The following PCDHA9 variants were observed in gnomAD, a reference collection of about 807,000 sequenced individuals.
The protein encoded by PCDHA9 is protocadherin alpha 9, also known as protocadherin alpha-9.
PCDHA9 carries 62 observed loss-of-function variants against 62.0 expected under a neutral mutation model. The ratio of observed to expected loss-of-function variants is 1.00; its 90% CI spans 0.81 to 1.23. The LOEUF (loss-of-function observed/expected upper bound fraction) is 1.23, where lower values mean the gene tolerates loss of function less well. PCDHA9 is among the 50% of genes most tolerant of loss of function. The pLI is 0.00. For synonymous variants in PCDHA9, 557 were observed against 567.6 expected, an observed-to-expected ratio of 0.98 and a Z score of 0.27; for missense variants, 1,205 against 1,249.8, an observed-to-expected ratio of 0.96 and a Z score of 0.54.
intron 1 of PCDHA9, among the ~76,000 whole-genome samples, chr5:140,947,108 T>G (rs1419361342): frequency 6.6e-6 from 1 of 151,486 alleles, no homozygotes; most frequent in East Asian, 1.9e-4. Context: ...AATAGGTACG[T>G]GTCAATTAAA....
intron 1 of PCDHA9, among the ~76,000 whole-genome samples, chr5:140,952,990 G>T (rs1218296143): frequency 6.6e-6 from 1 of 152,042 alleles, no homozygotes; most frequent in Non-Finnish European, 1.5e-5. Context: ...GATCTCATGA[G>T]AACTCTCTCA....
intron 1 of PCDHA9, chr5:140,877,774 G>T (rs782686661): frequency 1.2e-6 from 2 of 1,614,176 alleles, no homozygotes; most frequent in South Asian, 2.2e-5. Context: ...GCCCAAGACG[G>T]ACCTCATGGC....
rs1368766918 is a variant in PCDHA9 at position 141,010,867 on chromosome 5, A to G, written c.*930A>G. 4.6e-5 allele frequency: 7 copies of G among 153,798 alleles called. No homozygotes were observed. The highest frequency in any genetic ancestry group is 3.3e-4 in the Admixed American group (5 of 15,292). 9.5% of individuals were successfully genotyped at this position (153,798 alleles called of 1,614,324 possible). A position where few individuals can be genotyped will look rare whatever the true frequency, so the allele number is the denominator to read the frequency against. On this transcript the variant is annotated 3_prime_UTR_variant, in exon 4 of 4. Coordinates refer to ENST00000532602, the MANE Select transcript of PCDHA9 (RefSeq NM_031857.2). Reference sequence around the variant, plus strand: ...TTAAAAAAAGAGAAAGTCTATAGCTATAAATCTTTAAAGAGAAATATGAAT... The same window carrying G: ...TTAAAAAAAGAGAAAGTCTATAGCTGTAAATCTTTAAAGAGAAATATGAAT...
chr5:140,855,491 A>G (rs251361), intron 1 of PCDHA9, among the ~76,000 whole-genome samples: 72,952 of 149,084 alleles, frequency 0.49, 20,776 homozygotes, highest in South Asian at 0.61. Flanking sequence ...TTAGTGTCTA[A>G]ATAAACCTTA....
intron 1 of PCDHA9, among the ~76,000 whole-genome samples, chr5:140,974,059 G>A (rs1233997260): frequency 6.6e-6 from 1 of 152,180 alleles, no homozygotes; most frequent in Non-Finnish European, 1.5e-5. Context: ...AATATTTGGA[G>A]CAGTATAATC....
intron 3 of PCDHA9, among the ~76,000 whole-genome samples, chr5:141,004,826 G>A (rs2098183640): frequency 6.6e-6 from 1 of 152,112 alleles, no homozygotes; most frequent in East Asian, 1.9e-4. Flanking sequence ...GATTAACTTA[G>A]ATAGATCAAA....
At chr5:140,915,105 C>T (rs1554196760) in intron 1 of PCDHA9, among the ~76,000 whole-genome samples, 1 of 152,020 alleles carries the variant, frequency 6.6e-6, no homozygotes, top group East Asian at 1.9e-4. Flanking sequence ...ACCACCACAA[C>T]ACCCACCTAA....
chr5:140,940,413 A>G (rs2092607327), intron 1 of PCDHA9, among the ~76,000 whole-genome samples: 1 of 152,166 alleles, frequency 6.6e-6, no homozygotes, highest in East Asian at 1.9e-4. Context: ...TTTAAAAATT[A>G]TAATTATTAC....
At chr5:140,869,204 C>T in intron 1 of PCDHA9, 1 of 1,613,960 alleles carries the variant, frequency 6.2e-7, no homozygotes, top group Non-Finnish European at 8.5e-7. Context: ...CTCCACTACT[C>T]CGTCTCGGAG....
At chr5:140,966,730 C>T in intron 1 of PCDHA9, 1 of 1,405,456 alleles carries the variant, frequency 7.1e-7, no homozygotes, top group Non-Finnish European at 9.2e-7. Context: ...CTGCCGCCTC[C>T]GGCCCTGCCC....
chr5:140,927,506 C>G (rs1554204645), intron 1 of PCDHA9: 1 of 1,614,128 alleles, frequency 6.2e-7, no homozygotes, highest in Non-Finnish European at 8.5e-7. Context: ...GTGCTTACAG[C>G]TCGGGACGGC....
intron 1 of PCDHA9, chr5:140,868,465 T>A (rs1460620913): frequency 6.6e-6 from 1 of 152,416 alleles, no homozygotes; most frequent in Non-Finnish European, 1.5e-5. Context: ...AGAGCTGCTT[T>A]TATAAAACTT....
intron 1 of PCDHA9, among the ~76,000 whole-genome samples, chr5:140,960,541 C>G (rs1200507322): frequency 6.6e-6 from 1 of 151,924 alleles, no homozygotes; most frequent in African/African-American, 2.4e-5. Context: ...GAAACTGTGG[C>G]CTTCATATAG....
At chr5:140,893,039 C>A (rs1024548713) in intron 1 of PCDHA9, among the ~76,000 whole-genome samples, 49 of 152,306 alleles carry the variant, frequency 3.2e-4, no homozygotes, top group African/African-American at 1.1e-3. Flanking sequence ...TAACATATGC[C>A]CTCCAGGCTC....
intron 1 of PCDHA9, among the ~76,000 whole-genome samples, chr5:140,893,840 T>C (rs548325710): frequency 6.6e-6 from 1 of 152,312 alleles, no homozygotes; most frequent in Non-Finnish European, 1.5e-5. Flanking sequence ...GCCATCCTGA[T>C]GCCCTACCTC....
intron 1 of PCDHA9, chr5:140,966,981 TG>T (rs2096079365): frequency 1.2e-6 from 2 of 1,603,254 alleles, no homozygotes; most frequent in African/African-American, 2.7e-5. Flanking sequence ...CTGCGGCGCT[TG>T]GGGCCGGGTT....
chr5:140,871,722 A>G (rs1354844618), intron 1 of PCDHA9: 1 of 760,470 alleles, frequency 1.3e-6, no homozygotes, highest in Non-Finnish European at 2.0e-6. Context: ...ATTTCTCTTA[A>G]TATTTGGTTA....
At chr5:141,000,391 CTCTCTA>C (rs1434799221) in intron 3 of PCDHA9, among the ~76,000 whole-genome samples, 1,083 of 55,870 alleles carry the variant, frequency 0.019, 5 homozygotes, top group Non-Finnish European at 0.023. Context: ...CTCTCTCTCT[CTCTCTA>C]TATATATATA....
chr5:140,863,333 CGTT>C, intron 1 of PCDHA9: 1 of 1,399,240 alleles, frequency 7.1e-7, no homozygotes. Flanking sequence ...TTAGTGCTCA[CGTT>C]GCTGCTGTAC....
Sources: allele counts gnomAD v4.1 joint callset (sites outside exome capture counted in the v4.1 genomes callset), GRCh38; gene constraint gnomAD v4.1.1; transcripts MANE v1.5; gene names NCBI Gene and HGNC (gene_info 2026-07-23, HGNC 2026-07-21).